Variants in PROS1 observed in about 807,000 individuals in gnomAD.
PROS1 encodes vitamin K-dependent protein S.
In PROS1, 29 loss-of-function variants were observed where a neutral mutation model predicts 75.9. The ratio of observed to expected loss-of-function variants is 0.38; its 90% CI spans 0.28 to 0.52. PROS1 has a LOEUF of 0.52. PROS1 is among the 20% of genes least tolerant of loss of function. The pLI is 0.83. For synonymous variants in PROS1, 245 were observed against 280.6 expected, an observed-to-expected ratio of 0.87 and a Z score of 1.27; for missense variants, 680 against 810.3, an observed-to-expected ratio of 0.84 and a Z score of 1.95.
intron 6 of PROS1, among the ~76,000 whole-genome samples, chr3:93,904,083 G>A (rs965596418): frequency 5.3e-5 from 8 of 150,338 alleles, no homozygotes; most frequent in Non-Finnish European, 1.0e-4. Flanking sequence ...TTTTGTTCTT[G>A]CGATAGTTTA....
chr3:93,879,448 T>G (rs1161650606), intron 12 of PROS1, 134 bp from the exon 13 acceptor site: 22 of 1,284,086 alleles, frequency 1.7e-5, no homozygotes, highest in Non-Finnish European at 2.5e-5. Context: ...TTCTCAATGA[T>G]CTATATAACC....
chr3:93,913,386 T>G (rs1384048429), intron 3 of PROS1, among the ~76,000 whole-genome samples: 4 of 152,208 alleles, frequency 2.6e-5, no homozygotes, highest in Non-Finnish European at 5.9e-5. Flanking sequence ...CAAGATCTGA[T>G]GGTTTTATAA....
At chr3:93,945,115 G>C (rs1016778910) in intron 1 of PROS1, among the ~76,000 whole-genome samples, 1 of 151,908 alleles carries the variant, frequency 6.6e-6, no homozygotes, top group Non-Finnish European at 1.5e-5. Flanking sequence ...AGAAGAAGTT[G>C]AATCTCTGAA....
At chr3:93,940,283 CT>C (rs1312673638) in intron 1 of PROS1, among the ~76,000 whole-genome samples, 3 of 152,202 alleles carry the variant, frequency 2.0e-5, no homozygotes, top group Admixed American at 6.5e-5. Context: ...AAGACTGACA[CT>C]GCCCGATTGC....
At chr3:93,892,253 C>T (rs1457512055) in intron 10 of PROS1, among the ~76,000 whole-genome samples, 1 of 152,026 alleles carries the variant, frequency 6.6e-6, no homozygotes, top group Non-Finnish European at 1.5e-5. Context: ...TCTCTTGAAC[C>T]TAGTAGGTGG....
At chr3:93,877,280 T>A in intron 13 of PROS1, 89 bp from the exon 14 acceptor site, 1 of 929,704 alleles carries the variant, frequency 1.1e-6, no homozygotes, top group Non-Finnish European at 1.7e-6. Flanking sequence ...AGTCAAAAAC[T>A]AAATTTCAAT....
chr3:93,897,077 G>A (rs1445448892), intron 8 of PROS1, among the ~76,000 whole-genome samples: 1 of 152,002 alleles, frequency 6.6e-6, no homozygotes, highest in Non-Finnish European at 1.5e-5. Flanking sequence ...TTTATTTGAA[G>A]TCAGAAATAG....
chr3:93,966,300 G>A (rs1281624774), intron 1 of PROS1, among the ~76,000 whole-genome samples: 1 of 152,204 alleles, frequency 6.6e-6, no homozygotes, highest in Admixed American at 6.5e-5. Context: ...TAAAGAGGTA[G>A]ATCACAGGCT....
At chr3:93,908,995 G>T (rs1372730896) in intron 4 of PROS1, among the ~76,000 whole-genome samples, 2 of 152,040 alleles carry the variant, frequency 1.3e-5, no homozygotes, top group Non-Finnish European at 2.9e-5. Flanking sequence ...AAACTCACTT[G>T]AAATATAAAC....
rs201547678 is a variant in PROS1 at position 93,893,083 on chromosome 3, T to C, written c.1005A>G (p.Glu335=). The C allele has an allele frequency of 6.2e-7, 1 of 1,614,076 alleles. No homozygotes were observed. Among genetic ancestry groups the C allele is most frequent in the Non-Finnish European group, 8.5e-7 (1 of 1,179,964 alleles). ...AEFDFRTYDS[E]GVILYAESID... is the part of the protein sequence containing the mutation. ...TAGATTCTGCGTACAGTATCACGCC[T>C]TCTGAATCATATGTCCGGAAATCAA... The change falls in exon 10 of 15, where the codon GAA becomes GAG. Residue 335 remains glutamate (E), a synonymous_variant. Transcript: ENST00000394236.
At chr3:93,906,989 C>A (rs765869955) in intron 4 of PROS1, among the ~76,000 whole-genome samples, 28 of 152,152 alleles carry the variant, frequency 1.8e-4, no homozygotes, top group Admixed American at 1.1e-3. Context: ...CTGCAGGCAC[C>A]CCCTTGGCAC....
Position 93,892,976 on chromosome 3 carries a change from A to G in PROS1, c.1112T>C (p.Ile371Thr), listed in dbSNP as rs1164683109. The G allele has an allele frequency of 1.2e-6, 2 of 1,612,922 alleles. No individual in the cohort carries two copies. Among genetic ancestry groups the G allele is most frequent in the Non-Finnish European group, 1.7e-6 (2 of 1,179,946 alleles). Residue 371 changes from isoleucine to threonine, a missense_variant, in exon 10 of 15, where the codon ATC (isoleucine) becomes ACC (threonine). Coordinates refer to ENST00000394236, the MANE Select transcript of PROS1 (RefSeq NM_000313.4). ...VQLKNEHTSK[I>T]TTGGDVINNG... ...ATTAATAACATCACCTCCAGTTGTG[A>G]TTTTGGATGTATGTTCATTCTTAAG...
At chr3:93,966,392 C>T (rs1709789213) in intron 1 of PROS1, among the ~76,000 whole-genome samples, 1 of 152,114 alleles carries the variant, frequency 6.6e-6, no homozygotes, top group Admixed American at 6.6e-5. Flanking sequence ...CAGCACCACA[C>T]CAGAGAAGTT....
intron 12 of PROS1, among the ~76,000 whole-genome samples, chr3:93,880,800 T>C (rs1288121459): frequency 6.6e-6 from 1 of 152,244 alleles, no homozygotes; most frequent in Non-Finnish European, 1.5e-5. Context: ...CATGAAATGA[T>C]TAATTACTTA....
At chr3:93,900,755 T>C in intron 7 of PROS1, 49 bp downstream of exon 7, 2 of 1,610,616 alleles carry the variant, frequency 1.2e-6, no homozygotes, top group Non-Finnish European at 1.7e-6. Flanking sequence ...CAGTTCAGGG[T>C]TCACACCCAC....
chr3:93,937,761 G>A (rs185312510), intron 1 of PROS1, among the ~76,000 whole-genome samples: 1 of 152,148 alleles, frequency 6.6e-6, no homozygotes, highest in East Asian at 1.9e-4. Context: ...TCACTTCCTT[G>A]TTTTTTTCTT....
intron 3 of PROS1, among the ~76,000 whole-genome samples, chr3:93,923,503 A>G (rs1257068065): frequency 6.6e-6 from 1 of 152,242 alleles, no homozygotes; most frequent in Admixed American, 6.5e-5. Flanking sequence ...TAGTCTTGAT[A>G]TACTATCTTT....
In PROS1 at chr3:93,874,385, G is replaced by A. The variant is rs1708153020; in HGVS notation, c.1891C>T (p.Pro631Ser). The part of the protein sequence containing the change: ...GLPDVPFSAT[P>S]VNAFYNGCME... ...CAGCCATTATAAAAGGCATTCACTGGTGTGGCACTGAATGGAACATCTGTA... is the reference window on the plus strand; with the variant it reads ...CAGCCATTATAAAAGGCATTCACTGATGTGGCACTGAATGGAACATCTGTA... Residue 631 changes from proline to serine, a missense_variant, in exon 15 of 15, where the codon CCA (proline) becomes TCA (serine). Transcript: ENST00000394236. 6.2e-7 allele frequency: 1 copy of A among 1,613,174 alleles called. No individual in the cohort carries two copies. Among genetic ancestry groups the A allele is most frequent in the Admixed American group, 1.7e-5 (1 of 59,964 alleles).
At chr3:93,894,702 G>C (rs777582913) in intron 9 of PROS1, among the ~76,000 whole-genome samples, 1 of 152,070 alleles carries the variant, frequency 6.6e-6, no homozygotes, top group South Asian at 2.1e-4. Context: ...TTTACGGAGG[G>C]AAAGTATTTG....
Sources: gnomAD v4.1 joint callset for allele counts (sites outside exome capture counted in the v4.1 genomes callset) on GRCh38, gnomAD v4.1.1 for gene constraint, MANE v1.5 for transcripts, NCBI Gene and HGNC (gene_info 2026-07-23, HGNC 2026-07-21) for gene names.